Variants in APLP1 observed in about 807,000 individuals in gnomAD.
APLP1 encodes amyloid beta (A4) precursor-like protein 1.
Under a neutral mutation model 84.5 loss-of-function variants are expected in APLP1, and 46 were observed. That is an observed-to-expected ratio of 0.54 (90% CI 0.43 to 0.70). APLP1 has a LOEUF of 0.70. Among genes scored for constraint, APLP1 ranks in the 30% least tolerant of loss-of-function variants. The pLI is 0.00. For missense variants in APLP1, 826 were observed against 900.2 expected (o/e 0.92, Z 1.05); for synonymous variants, 376 against 364.0 (o/e 1.03, Z -0.38).
At chr19:35,878,221 T>C in intron 13 of APLP1, 113 bp downstream of exon 13, 1 of 1,187,200 alleles carries the variant, frequency 8.4e-7, no homozygotes, top group Non-Finnish European at 1.2e-6. Context: ...GAGTTTGATG[T>C]ACTTTCCAGC....
chr19:35,869,491 G>C, intron 1 of APLP1, 176 bp from the exon 2 acceptor site: 1 of 878,870 alleles, frequency 1.1e-6, no homozygotes, highest in Non-Finnish European at 1.8e-6. Context: ...GGGAGCGCTG[G>C]GGCGCCCCCG....
chr19:35,874,086 C>T lies in APLP1; in HGVS notation c.1056+373C>T, dbSNP rs546029134. ...TCTGGCTCTGCTGGGCCAATCTCAC[C>T]TTTATTAACCTGACCTACCCCATGG... On this transcript the variant is annotated intron_variant, in intron 8 of 16. Coordinates refer to ENST00000221891, the MANE Select transcript of APLP1 (RefSeq NM_001024807.3). This position sits in a 1 kb window ranked among gnomAD's most constrained non-coding sequence, Gnocchi z 6.4. 6.6e-6 allele frequency among the ~76,000 whole-genome samples: 1 copy of T among 152,302 alleles called. No homozygotes were observed. Among genetic ancestry groups the T allele is most frequent in the South Asian group, 2.1e-4 (1 of 4,822 alleles).
rs1270695262 is a variant in APLP1 at position 35,879,663 on chromosome 19, CTTAAT to C, written c.*226_*230del. 9 of 559,214 alleles carry C rather than the reference CTTAAT, an allele frequency of 1.6e-5. No individual in the cohort carries two copies. The highest frequency in any genetic ancestry group is 9.6e-5 in the African/African-American group (5 of 52,324). The allele number at this position is 559,214 out of a possible 1,614,324, so 34.6% of individuals were successfully genotyped here. A position where few individuals can be genotyped will look rare whatever the true frequency, so the allele number is the denominator to read the frequency against. The stretch of plus-strand genomic sequence containing the variant: ...GCCTCCCCACGTGGCACCTCCTCAC[CTTAAT>C]TTATTTTTTAAGTTTATTTATGGCT... On this transcript the variant is annotated 3_prime_UTR_variant, in exon 17 of 17. Transcript: ENST00000221891.
intron 10 of APLP1, 127 bp from the exon 11 acceptor site, chr19:35,876,390 A>T (rs1212241030): frequency 1.3e-6 from 1 of 777,772 alleles, no homozygotes; most frequent in Non-Finnish European, 2.2e-6. Flanking sequence ...CCCTTGTACC[A>T]CACATCCTGT....
At chr19:35,879,309 C>T (rs753149954) in intron 16 of APLP1, 34 bp from the exon 17 acceptor site, 3 of 1,612,370 alleles carry the variant, frequency 1.9e-6, no homozygotes, top group Non-Finnish European at 2.5e-6. Context: ...CGCCCCCGCA[C>T]CACACTGTCC....
chr19:35,872,645 C>G (rs1974185588), intron 7 of APLP1, 32 bp downstream of exon 7: 1 of 1,589,618 alleles, frequency 6.3e-7, no homozygotes, highest in South Asian at 1.1e-5. Flanking sequence ...GGACCCCCTA[C>G]AGTACAGAGC....
At chr19:35,870,263 G>A (rs1974109940) in intron 2 of APLP1, 2 of 191,224 alleles carry the variant, frequency 1.0e-5, no homozygotes, top group Non-Finnish European at 2.2e-5. Context: ...GAGACCTTTG[G>A]GGAGACGAAT....
In APLP1 at chr19:35,870,995, C is replaced by T. The variant is rs960256475; in HGVS notation, c.391C>T (p.Pro131Ser). 3 of 1,552,908 alleles carry T rather than the reference C, an allele frequency of 1.9e-6. No homozygotes were observed. The highest frequency in any genetic ancestry group is 2.3e-5 in the East Asian group (1 of 42,672). The change falls in exon 3 of 17, where the codon CCC becomes TCC. Residue 131 changes from proline (P) to serine (S), a missense_variant. By Grantham distance (74) the Pro-to-Ser change is moderately conservative. Transcript: ENST00000221891. ...GGSRSGSCAH[P>S]HHQVVPFRCL... The stretch of plus-strand genomic sequence containing the variant: ...TTCCCGGAGCGGCAGCTGCGCCCAC[C>T]CCCACCACCAGGTTGTGCCCTTCCG...
chr19:35,868,806 G>A lies in APLP1; in HGVS notation c.147+23G>A, dbSNP rs1250018696. 7.8e-7 allele frequency: 1 copy of A among 1,279,996 alleles called. No homozygotes were observed. Among genetic ancestry groups the A allele is most frequent in the African/African-American group, 1.6e-5 (1 of 64,222 alleles). The allele number at this position is 1,279,996 out of a possible 1,614,324, so 79.3% of individuals were successfully genotyped here. A position where few individuals can be genotyped will look rare whatever the true frequency, so the allele number is the denominator to read the frequency against. Reference sequence around the variant, plus strand: ...GAGGTGAGGCCGGGCCGGGTCCTGGGGGATGGGGGAAGGGGCGGGACCGGG... The same window carrying A: ...GAGGTGAGGCCGGGCCGGGTCCTGGAGGATGGGGGAAGGGGCGGGACCGGG... On this transcript the variant is annotated intron_variant, in intron 1 of 16. Transcript: ENST00000221891. The surrounding 1 kb of genome is among the most constrained non-coding windows in gnomAD (Gnocchi z 5.2).
Position 35,872,493 on chromosome 19 carries a change from C to A in APLP1, c.861C>A (p.Thr287=). The A allele has an allele frequency of 6.2e-7, 1 of 1,612,748 alleles. No homozygotes were observed. Residue 287 remains threonine (T), a synonymous_variant, in exon 7 of 17, where the codon ACC becomes ACA. Transcript: ENST00000221891. The stretch of plus-strand genomic sequence containing the variant: ...TCCCTGGTCTTGCAGTCACTCCCAC[C>A]CCGAGGCCCACAGACGGTGTGGATA... The part of the protein sequence containing the change: ...TLAVVGKVTP[T]PRPTDGVDIY...
At chr19:35,873,983 G>A (rs1397607544) in intron 8 of APLP1, among the ~76,000 whole-genome samples, 1 of 152,130 alleles carries the variant, frequency 6.6e-6, no homozygotes, top group Non-Finnish European at 1.5e-5. Flanking sequence ...CCCAAGCCAG[G>A]GCCTCTGCAG....
chr19:35,870,517 C>T, intron 2 of APLP1: 1 of 217,486 alleles, frequency 4.6e-6, no homozygotes, highest in South Asian at 6.4e-5. Context: ...GGCGCGGTGG[C>T]TCACGCCTGT....
Position 35,874,702 on chromosome 19 carries a change from G to T in APLP1, c.1216-39G>T. 6.2e-7 allele frequency: 1 copy of T among 1,612,490 alleles called. No individual in the cohort carries two copies. Among genetic ancestry groups the T allele is most frequent in the Non-Finnish European group, 8.5e-7 (1 of 1,178,928 alleles). ...GGGGCAGAGAGCAGAGGGTGAGAAG[G>T]GTCAGGGCGGGCTTGGGCATCCTGT... On this transcript the variant is annotated intron_variant, in intron 9 of 16. Coordinates refer to ENST00000221891, the MANE Select transcript of APLP1 (RefSeq NM_001024807.3). This position sits in a 1 kb window ranked among gnomAD's most constrained non-coding sequence, Gnocchi z 6.4.
chr19:35,871,921 G>C lies in APLP1; in HGVS notation c.735G>C (p.Glu245Asp). 1 of 1,614,166 alleles carries C rather than the reference G, an allele frequency of 6.2e-7. No individual in the cohort carries two copies. The highest frequency in any genetic ancestry group is 8.5e-7 in the Non-Finnish European group (1 of 1,180,026). ...SRVEGAEDEE[E>D]EESFPQPVDD... ...TAGAGGGGGCTGAGGACGAGGAAGA[G>C]GAGGAATCCTTCCCACAGCCAGTAG... The change falls in exon 6 of 17, where the codon GAG (glutamate) becomes GAC (aspartate). Residue 245 changes from glutamate (E) to aspartate (D), a missense_variant. Glu to Asp is a conservative substitution (Grantham distance 45). Transcript: ENST00000221891.
At chr19:35,871,454 T>A in intron 4 of APLP1, 105 bp downstream of exon 4, 1 of 1,346,010 alleles carries the variant, frequency 7.4e-7, no homozygotes. Context: ...CAGCATCCTC[T>A]TCGCACTTGG....
At chr19:35,869,261 C>G in intron 1 of APLP1, 1 of 495,090 alleles carries the variant, frequency 2.0e-6, no homozygotes, top group Non-Finnish European at 3.5e-6. Context: ...GGACTGTAGG[C>G]CCCTGAAGCC....
intron 7 of APLP1, among the ~76,000 whole-genome samples, chr19:35,872,846 G>T (rs995304811): frequency 2.1e-5 from 3 of 144,180 alleles, no homozygotes; most frequent in Non-Finnish European, 4.6e-5. Context: ...CACTTTATTG[G>T]TTTTTTTTTT....
chr19:35,872,378 G>A (rs900050388), intron 6 of APLP1, 105 bp from the exon 7 acceptor site: 10 of 1,459,198 alleles, frequency 6.9e-6, no homozygotes, highest in African/African-American at 5.7e-5. Flanking sequence ...GGCTAAACTG[G>A]GTGCATGATG....
At position 35,871,648 on chromosome 19, in the gene APLP1, G is replaced by A; in HGVS notation, c.574G>A (p.Gly192Ser). Reference sequence around the variant, plus strand: ...CCAGGGCCTCATCCTGCACGGCTCGGGCATGCTCTTACCCTGTGGCTCGGA... The same window carrying A: ...CCAGGGCCTCATCCTGCACGGCTCGAGCATGCTCTTACCCTGTGGCTCGGA... Reference protein sequence around the residue: ...SSQGLILHGSGMLLPCGSDRF... With the variant: ...SSQGLILHGSSMLLPCGSDRF... Residue 192 changes from glycine to serine, a missense_variant, in exon 5 of 17, where the codon GGC becomes AGC. Around this residue, in one of 3 missense-constraint regions of APLP1, gnomAD observed 383 missense variants for 378.3 expected, o/e 1.01. Transcript: ENST00000221891. 6.2e-7 allele frequency: 1 copy of A among 1,613,998 alleles called. No homozygotes were observed. The highest frequency in any genetic ancestry group is 8.5e-7 in the Non-Finnish European group (1 of 1,179,970).
Sources: allele counts gnomAD v4.1 joint callset (sites outside exome capture counted in the v4.1 genomes callset), GRCh38; gene constraint gnomAD v4.1.1; regional missense constraint gnomAD v4.1.1; non-coding constraint Gnocchi (gnomAD v3.1); transcripts MANE v1.5; gene names NCBI Gene and HGNC (gene_info 2026-07-23, HGNC 2026-07-21).